NFATC3: variants seen among roughly 807,000 people sequenced by gnomAD.
NFATC3 encodes nuclear factor of activated T-cells, cytoplasmic 3.
NFATC3 carries 46 observed loss-of-function variants against 98.6 expected under a neutral mutation model. The observed-to-expected ratio is 0.47, with a 90% CI of 0.37 to 0.60. NFATC3 has a LOEUF of 0.60. Ranked by LOEUF, NFATC3 falls within the 20% of genes least tolerant of loss-of-function variation. The probability of loss-of-function intolerance (pLI) is 0.00; values close to 1 mark genes in which losing one functional copy is unlikely to be tolerated. For missense variants in NFATC3, 1,256 were observed against 1,295.5 expected, an observed-to-expected ratio of 0.97 and a Z score of 0.47; for synonymous variants, 512 against 472.2, an observed-to-expected ratio of 1.08 and a Z score of -1.09.
intron 9 of NFATC3, chr16:68,209,424 G>A (rs2041281861): frequency 5.9e-6 from 1 of 169,860 alleles, no homozygotes; most frequent in Non-Finnish European, 1.3e-5. Context: ...AGAGGCTTGG[G>A]TGCATTCAAG....
intron 1 of NFATC3, among the ~76,000 whole-genome samples, chr16:68,101,073 C>T (rs925176800): frequency 9.2e-5 from 14 of 152,140 alleles, no homozygotes; most frequent in South Asian, 2.1e-4. Flanking sequence ...TCATGGATTG[C>T]ACTTTTGGTG....
At chr16:68,170,252 G>A (rs765232752) in intron 5 of NFATC3, among the ~76,000 whole-genome samples, 6 of 151,124 alleles carry the variant, frequency 4.0e-5, no homozygotes, top group Non-Finnish European at 8.8e-5. Context: ...TTAGATGGGC[G>A]TGGTGGCGTG....
intron 9 of NFATC3, among the ~76,000 whole-genome samples, chr16:68,212,900 C>G (rs1459783743): frequency 7.1e-6 from 1 of 141,192 alleles, no homozygotes; most frequent in Admixed American, 7.6e-5. Flanking sequence ...CGCCATTCTT[C>G]TGCCTCAGCC....
intron 8 of NFATC3, among the ~76,000 whole-genome samples, chr16:68,188,229 G>C (rs73612230): frequency 0.013 from 2,002 of 152,272 alleles, 43 homozygotes; most frequent in African/African-American, 0.045. Flanking sequence ...GTTGCGGGAG[G>C]GGGGCTTCCT....
In NFATC3 at chr16:68,191,211, C is replaced by T; in HGVS notation, c.2542C>T (p.Pro848Ser). The change falls in exon 9 of 10, where the codon CCA (proline) becomes TCA (serine). Residue 848 changes from proline (P) to serine (S), a missense_variant. This residue lies in a region of NFATC3 where 636 missense variants were observed against 617.3 expected (regional missense o/e 1.03). Transcript: ENST00000346183. ...TGGTTTAGTGAATCTTGGCTGTCAA[C>T]CACTGTCATCCATACCATTTCATTC... ...LSGLVNLGCQ[P>S]LSSIPFHSSN... The T allele has an allele frequency of 1.2e-6, 2 of 1,614,202 alleles. No individual in the cohort carries two copies. Among genetic ancestry groups the T allele is most frequent in the South Asian group, 1.1e-5 (1 of 91,084 alleles).
At chr16:68,140,298 C>A (rs1388894293) in intron 3 of NFATC3, among the ~76,000 whole-genome samples, 1 of 152,084 alleles carries the variant, frequency 6.6e-6, no homozygotes, top group Non-Finnish European at 1.5e-5. Flanking sequence ...AAGGGGACTT[C>A]TTATTTGAAG....
chr16:68,161,289 G>T (rs2038880312), intron 4 of NFATC3, among the ~76,000 whole-genome samples: 1 of 152,126 alleles, frequency 6.6e-6, no homozygotes. Flanking sequence ...TCAGGAAATT[G>T]ATCCCTAGAC....
At chr16:68,221,606 A>C in intron 9 of NFATC3, 1 of 1,067,252 alleles carries the variant, frequency 9.4e-7, no homozygotes, top group Non-Finnish European at 1.1e-6. Flanking sequence ...CCCCGTTGGA[A>C]CTTAAATCTC....
chr16:68,191,623 G>T lies in NFATC3; in HGVS notation c.2954G>T (p.Gly985Val), dbSNP rs140462034. 6 of 1,614,036 alleles carry T rather than the reference G, an allele frequency of 3.7e-6. No individual in the cohort carries two copies. The African/African-American group carries it at 6.7e-5, about 18-fold the overall frequency. Residue 985 changes from glycine (G) to valine (V), a missense_variant, in exon 9 of 10, where the codon GGT becomes GTT. This residue lies in a region of NFATC3 where 636 missense variants were observed against 617.3 expected (regional missense o/e 1.03). Coordinates refer to ENST00000346183, the MANE Select transcript of NFATC3 (RefSeq NM_173165.3). ...CAAGCACAAAGTACGGGCCAGGGGG[G>T]TCTTTCTGCACCTTCATCCTTAATA... ...STQAQSTGQG[G>V]LSAPSSLICH...
In NFATC3 at chr16:68,191,015, T is replaced by C; in HGVS notation, c.2346T>C (p.Pro782=). ...TTAGTAAAGAACAGCATATGATTCC[T>C]TCTCCAATTGTACACCAGCCTTTTC... The part of the protein sequence containing the change: ...ESVSKEQHMI[P]SPIVHQPFQV... The change falls in exon 9 of 10, where the codon CCT becomes CCC. Residue 782 remains proline (P), a synonymous_variant. Coordinates refer to ENST00000346183, the MANE Select transcript of NFATC3 (RefSeq NM_173165.3). The C allele has an allele frequency of 6.2e-7, 1 of 1,614,254 alleles. No homozygotes were observed. Among genetic ancestry groups the C allele is most frequent in the Non-Finnish European group, 8.5e-7 (1 of 1,180,050 alleles).
At chr16:68,156,644 A>T (rs2038631807) in intron 3 of NFATC3, among the ~76,000 whole-genome samples, 1 of 152,160 alleles carries the variant, frequency 6.6e-6, no homozygotes, top group South Asian at 2.1e-4. Flanking sequence ...TTCATGATTT[A>T]AAAAAAGCAA....
At chr16:68,104,604 G>A (rs909927691) in intron 1 of NFATC3, among the ~76,000 whole-genome samples, 2 of 150,336 alleles carry the variant, frequency 1.3e-5, no homozygotes, top group Non-Finnish European at 2.9e-5. Context: ...TTGGGGGAAG[G>A]CTTTTGTTTT....
intron 9 of NFATC3, among the ~76,000 whole-genome samples, chr16:68,197,316 C>G (rs1003937144): frequency 2.0e-5 from 3 of 152,138 alleles, no homozygotes; most frequent in Non-Finnish European, 2.9e-5. Context: ...TGGCATCTCA[C>G]TCTGTCACCC....
At chr16:68,199,566 G>C (rs984535081) in intron 9 of NFATC3, among the ~76,000 whole-genome samples, 2 of 147,690 alleles carry the variant, frequency 1.4e-5, no homozygotes, top group Non-Finnish European at 3.0e-5. Flanking sequence ...ATTATTCTCA[G>C]TATTAGATGA....
intron 3 of NFATC3, among the ~76,000 whole-genome samples, chr16:68,153,854 C>G (rs565988178): frequency 7.8e-6 from 1 of 127,402 alleles, no homozygotes; most frequent in Non-Finnish European, 1.6e-5. Flanking sequence ...ACCTCGTGAT[C>G]TGCCTGCCTT....
At chr16:68,087,815 G>GT (rs1567489900) in intron 1 of NFATC3, among the ~76,000 whole-genome samples, 1 of 152,076 alleles carries the variant, frequency 6.6e-6, no homozygotes. Flanking sequence ...GTGACCTTTT[G>GT]TGTCGGACTA....
At chr16:68,159,151 G>A (rs922674439) in intron 4 of NFATC3, among the ~76,000 whole-genome samples, 2 of 152,188 alleles carry the variant, frequency 1.3e-5, no homozygotes, top group Admixed American at 6.5e-5. Context: ...AGGATCACTT[G>A]CCCGGGAGGC....
At chr16:68,132,114 T>G (rs1000810272) in intron 3 of NFATC3, among the ~76,000 whole-genome samples, 1 of 152,086 alleles carries the variant, frequency 6.6e-6, no homozygotes, top group African/African-American at 2.4e-5. Flanking sequence ...AGCTTTTAGA[T>G]AGAGAGTAAA....
intron 2 of NFATC3, among the ~76,000 whole-genome samples, chr16:68,124,741 C>G (rs1015631074): frequency 1.1e-4 from 16 of 144,192 alleles, no homozygotes; most frequent in African/African-American, 3.4e-4. Flanking sequence ...CCGGCCTTCT[C>G]TTTTTTTTGA....
Sources: allele counts gnomAD v4.1 joint callset (sites outside exome capture counted in the v4.1 genomes callset), GRCh38; gene constraint gnomAD v4.1.1; regional missense constraint gnomAD v4.1.1; transcripts MANE v1.5; gene names NCBI Gene and HGNC (gene_info 2026-07-23, HGNC 2026-07-21).